The following UBE3C variants were observed in gnomAD, a reference collection of about 807,000 sequenced individuals.
The protein encoded by UBE3C is ubiquitin protein ligase E3C.
Under a neutral mutation model 129.4 loss-of-function variants are expected in UBE3C, and 42 were observed. That is an observed-to-expected ratio of 0.32 (90% confidence interval 0.25 to 0.42). The LOEUF is 0.42. UBE3C is among the 10% of genes least tolerant of loss of function. UBE3C has a pLI of 1.00. For missense variants in UBE3C, 1,049 were observed against 1,319.1 expected (o/e 0.80, Z 3.17); for synonymous variants, 510 against 492.4 (o/e 1.04, Z -0.47).
At chr7:157,180,404 CAT>C (rs1290906963) in intron 6 of UBE3C, among the ~76,000 whole-genome samples, 2 of 152,114 alleles carry the variant, frequency 1.3e-5, no homozygotes, top group Non-Finnish European at 2.9e-5. Flanking sequence ...TTCAAGCTTT[CAT>C]ATGAGTTTCA....
chr7:157,205,665 T>G (rs1482872531), intron 11 of UBE3C, among the ~76,000 whole-genome samples: 4 of 152,220 alleles, frequency 2.6e-5, no homozygotes, highest in African/African-American at 9.6e-5. Context: ...TGTCCCACAA[T>G]GTTTAAATTT....
Position 157,174,925 on chromosome 7 carries a change from C to T in UBE3C, c.349C>T (p.Leu117=). The change falls in exon 5 of 23, where the codon CTG becomes TTG. Residue 117 remains leucine (L), a synonymous_variant. Transcript: ENST00000348165. The part of the protein sequence containing the change: ...QNEDSKRLIW[L]YQNLIKHSSL... Reference sequence around the variant, plus strand: ...TTATGTTTTGCTGTTTCAGATATGGCTGTATCAGAACTTAATTAAACACAG... The same window carrying T: ...TTATGTTTTGCTGTTTCAGATATGGTTGTATCAGAACTTAATTAAACACAG... The T allele has an allele frequency of 6.2e-7, 1 of 1,605,808 alleles. No homozygotes were observed. The highest frequency in any genetic ancestry group is 1.1e-5 in the South Asian group (1 of 89,078).
intron 19 of UBE3C, among the ~76,000 whole-genome samples, chr7:157,251,203 A>G (rs1796613309): frequency 6.6e-6 from 1 of 152,230 alleles, no homozygotes; most frequent in South Asian, 2.1e-4. Flanking sequence ...ATAAAGTATG[A>G]TTTAAAGACT....
At chr7:157,205,704 A>G (rs1228303518) in intron 11 of UBE3C, among the ~76,000 whole-genome samples, 1 of 152,220 alleles carries the variant, frequency 6.6e-6, no homozygotes, top group East Asian at 1.9e-4. Context: ...TCATTGATGA[A>G]TCTGTTCAGC....
intron 6 of UBE3C, 75 bp from the exon 7 acceptor site, chr7:157,181,443 A>G (rs1808662880): frequency 7.4e-6 from 10 of 1,345,966 alleles, no homozygotes; most frequent in African/African-American, 1.5e-5. Context: ...GGTTAAAAGC[A>G]TTTAAAAATT....
At chr7:157,241,982 T>A (rs1368429652) in intron 18 of UBE3C, among the ~76,000 whole-genome samples, 1 of 152,002 alleles carries the variant, frequency 6.6e-6, no homozygotes, top group Non-Finnish European at 1.5e-5. Flanking sequence ...GGTGGGTGAG[T>A]GATCGCCAGG....
chr7:157,214,437 A>C (rs1337577842), intron 13 of UBE3C, among the ~76,000 whole-genome samples: 1 of 152,156 alleles, frequency 6.6e-6, no homozygotes, highest in Non-Finnish European at 1.5e-5. Context: ...CCCTCAATAA[A>C]GCTAAGTTTC....
intron 1 of UBE3C, chr7:157,139,883 G>A: frequency 1.9e-6 from 1 of 521,924 alleles, no homozygotes; most frequent in Non-Finnish European, 2.5e-6. Flanking sequence ...AATCTCTAAA[G>A]TAGAGGCAGA....
rs572099156 is a variant in UBE3C at position 157,241,891 on chromosome 7, G to A, written c.2482-6477G>A. On this transcript the variant is annotated intron_variant, in intron 18 of 22. Coordinates refer to ENST00000348165, the MANE Select transcript of UBE3C (RefSeq NM_014671.3). ...GATGTGCCTTGAGAATGTTCTGCCC[G>A]GTGAGAGCAGATGCAGAGATCACCA... 2.6e-5 allele frequency among the ~76,000 whole-genome samples: 4 copies of A among 152,288 alleles called. No homozygotes were observed. The East Asian group carries it at 5.8e-4, about 22-fold the overall frequency.
chr7:157,168,985 G>C, intron 2 of UBE3C, 63 bp from the exon 3 acceptor site: 1 of 1,376,114 alleles, frequency 7.3e-7, no homozygotes, highest in Non-Finnish European at 1.0e-6. Flanking sequence ...GTCTTTACTA[G>C]CAAAATGTCA....
At position 157,222,448 on chromosome 7, in the gene UBE3C, C is replaced by T. The variant is rs1050828219; in HGVS notation, c.2003-806C>T. 7.9e-5 allele frequency: 12 copies of T among 151,038 alleles called. 2 individuals are homozygous for T. Among genetic ancestry groups the T allele is most frequent in the Non-Finnish European group, 1.6e-4 (11 of 67,910 alleles). The allele number at this position is 151,038 out of a possible 1,614,324, so 9.4% of individuals were successfully genotyped here. A position where few individuals can be genotyped will look rare whatever the true frequency, so the allele number is the denominator to read the frequency against. ...CTTTCTTTCTTTTTTGAGGCAGGGT[C>T]TCAGTGTGTCACCAGGCTGGAGTGC... On this transcript the variant is annotated intron_variant, in intron 15 of 22. Coordinates refer to ENST00000348165, the MANE Select transcript of UBE3C (RefSeq NM_014671.3).
chr7:157,188,981 C>G, intron 10 of UBE3C: 1 of 622,522 alleles, frequency 1.6e-6, no homozygotes, highest in Non-Finnish European at 3.0e-6. Flanking sequence ...CCTTTGTACC[C>G]TGACATGGAA....
chr7:157,225,696 C>T (rs1312413083), intron 17 of UBE3C, among the ~76,000 whole-genome samples, 157 bp downstream of exon 17: 1 of 152,132 alleles, frequency 6.6e-6, no homozygotes, highest in Non-Finnish European at 1.5e-5. Context: ...CACCTATAAT[C>T]CCAGCACTTT....
At chr7:157,226,139 G>T (rs113095219) in intron 17 of UBE3C, among the ~76,000 whole-genome samples, 1 of 152,110 alleles carries the variant, frequency 6.6e-6, no homozygotes, top group Admixed American at 6.6e-5. Flanking sequence ...TAAAAATCTC[G>T]ATGGTAGCCA....
chr7:157,146,656 AC>A (rs1807614054), intron 1 of UBE3C, among the ~76,000 whole-genome samples: 1 of 151,646 alleles, frequency 6.6e-6, no homozygotes, highest in African/African-American at 2.4e-5. Flanking sequence ...TATATATTAA[AC>A]TAAACTTTTT....
At position 157,207,404 on chromosome 7, in the gene UBE3C, G is replaced by A. The variant is rs1809462627; in HGVS notation, c.1425G>A (p.Met475Ile). Reference protein sequence around the residue: ...SMSTRMITGSMVPLLQVISRG... With the variant: ...SMSTRMITGSIVPLLQVISRG... ...TTCTTTTCTTTAATTCAAGGTCTATGGTACCGTTGCTTCAGGTGATATCCA... is the reference window on the plus strand; with the variant it reads ...TTCTTTTCTTTAATTCAAGGTCTATAGTACCGTTGCTTCAGGTGATATCCA... The change falls in exon 12 of 23, where the codon ATG becomes ATA. Residue 475 changes from methionine to isoleucine, a missense_variant. Met to Ile is a conservative substitution (Grantham distance 10). This residue lies in a region of UBE3C where 314 missense variants were observed against 416.9 expected (regional missense o/e 0.75). Coordinates refer to ENST00000348165, the MANE Select transcript of UBE3C (RefSeq NM_014671.3). 2 of 1,611,324 alleles carry A rather than the reference G, an allele frequency of 1.2e-6. No individual in the cohort carries two copies. Among genetic ancestry groups the A allele is most frequent in the African/African-American group, 2.7e-5 (2 of 74,646 alleles).
chr7:157,155,419 A>G lies in UBE3C; in HGVS notation c.67-8391A>G, dbSNP rs528525696. On this transcript the variant is annotated intron_variant, in intron 1 of 22. Transcript: ENST00000348165. ...CAAATAGGTGAAACAAAAACCTCACAGTTTTTTGGGGTTTTTTTTAAATCA... is the reference window on the plus strand; with the variant it reads ...CAAATAGGTGAAACAAAAACCTCACGGTTTTTTGGGGTTTTTTTTAAATCA... 4.6e-5 allele frequency among the ~76,000 whole-genome samples: 7 copies of G among 152,272 alleles called. No homozygotes were observed. The East Asian group carries it at 1.3e-3, about 29-fold the overall frequency.
chr7:157,176,066 C>T (rs1316246007), intron 5 of UBE3C, among the ~76,000 whole-genome samples: 12 of 152,078 alleles, frequency 7.9e-5, no homozygotes, highest in African/African-American at 1.7e-4. Flanking sequence ...ACACCTTTAA[C>T]GTAACTTTTG....
rs75859293 is a variant in UBE3C, at chr7:157,265,063, G to A, written c.3082-2522G>A. 2.0e-3 allele frequency among the ~76,000 whole-genome samples: 300 copies of A among 152,168 alleles called. 3 individuals carry two copies. Among genetic ancestry groups the A allele is most frequent in the African/African-American group, 6.9e-3 (285 of 41,492 alleles). ...TTTAGTTGTTTACAGCTCTTCCTTC[G>A]TTGTGATGCTGTGAACCTCTTGTGC... On this transcript the variant is annotated intron_variant, in intron 22 of 22. Coordinates refer to ENST00000348165, the MANE Select transcript of UBE3C (RefSeq NM_014671.3).
Sources: allele counts gnomAD v4.1 joint callset (sites outside exome capture counted in the v4.1 genomes callset), GRCh38; gene constraint gnomAD v4.1.1; regional missense constraint gnomAD v4.1.1; transcripts MANE v1.5; gene names NCBI Gene and HGNC (gene_info 2026-07-23, HGNC 2026-07-21).